LY6S: variants seen among roughly 807,000 people sequenced by gnomAD.
LY6S encodes the protein lymphocyte antigen 6 family member S.
At chr8:143,055,887 G>C in the LY6S span, among the ~76,000 whole-genome samples, 1 of 152,096 alleles carries the variant, frequency 6.6e-6, no homozygotes, top group African/African-American at 2.4e-5. Flanking sequence ...CTTACAGTAA[G>C]GCGGCAGTGA....
the LY6S span, among the ~76,000 whole-genome samples, chr8:143,041,851 C>T: frequency 6.6e-6 from 1 of 152,124 alleles, no homozygotes; most frequent in African/African-American, 2.4e-5. Context: ...CCAGCCCTGA[C>T]TCCAGGCTGA....
chr8:143,072,576 T>A, the LY6S span, among the ~76,000 whole-genome samples: 1 of 146,322 alleles, frequency 6.8e-6, no homozygotes, highest in African/African-American at 2.5e-5. Flanking sequence ...GAGACAGCCG[T>A]CGTCCTCGGG....
the LY6S span, among the ~76,000 whole-genome samples, chr8:143,071,458 T>C: frequency 2.6e-5 from 4 of 152,194 alleles, no homozygotes; most frequent in Non-Finnish European, 4.4e-5. Flanking sequence ...AGCCCTGGTG[T>C]AAGCTATAAA....
the LY6S span, among the ~76,000 whole-genome samples, chr8:143,071,195 A>AT: frequency 1.3e-3 from 169 of 130,304 alleles, no homozygotes; most frequent in South Asian, 2.6e-3. Context: ...AAGACCCGGC[A>AT]GCATGGATGT....
chr8:143,068,114 C>A, the LY6S span, among the ~76,000 whole-genome samples: 1 of 152,166 alleles, frequency 6.6e-6, no homozygotes, highest in East Asian at 1.9e-4. Context: ...TGGGGGGAAA[C>A]CTTGGTCAAT....
chr8:143,045,857 A>ATTTTTTTTTTTTT, the LY6S span, among the ~76,000 whole-genome samples: 1 of 148,032 alleles, frequency 6.8e-6, no homozygotes. The surrounding 1 kb of genome is among the most constrained non-coding windows in gnomAD (Gnocchi z 5.3). Flanking sequence ...CAATTTACTC[A>ATTTTTTTTTTTTT]TTTTTTTTTT....
At chr8:143,056,988 G>T in the LY6S span, 1,719 of 231,918 alleles carry the variant, frequency 7.4e-3, 21 homozygotes, top group African/African-American at 0.038. Flanking sequence ...GGAAGTCTTA[G>T]GAAAAGTGCT....
At chr8:143,046,142 C>G in the LY6S span, among the ~76,000 whole-genome samples, 1 of 152,174 alleles carries the variant, frequency 6.6e-6, no homozygotes, top group East Asian at 1.9e-4. Flanking sequence ...TGTCAGCTAC[C>G]ACGCCCAGCC....
At chr8:143,045,990 A>C in the LY6S span, among the ~76,000 whole-genome samples, 1 of 152,104 alleles carries the variant, frequency 6.6e-6, no homozygotes, top group South Asian at 2.1e-4. The surrounding 1 kb of genome is among the most constrained non-coding windows in gnomAD (Gnocchi z 5.3). Flanking sequence ...AGTAGCTGTG[A>C]CTACAGGTGC....
chr8:143,065,304 G>A, the LY6S span, among the ~76,000 whole-genome samples: 1 of 152,120 alleles, frequency 6.6e-6, no homozygotes. Context: ...TCAGGTTTGG[G>A]AGGTTTTCTC....
At chr8:143,063,545 G>A in the LY6S span, among the ~76,000 whole-genome samples, 33 of 152,210 alleles carry the variant, frequency 2.2e-4, no homozygotes, top group Non-Finnish European at 4.3e-4. Context: ...GGCATATGCA[G>A]CATTTCTTTT....
At chr8:143,066,454 G>A in the LY6S span, 5 of 208,312 alleles carry the variant, frequency 2.4e-5, no homozygotes, top group East Asian at 1.3e-4. Flanking sequence ...GAGCCACTGC[G>A]CCCAGCCTCA....
the LY6S span, among the ~76,000 whole-genome samples, chr8:143,071,348 G>A: frequency 6.6e-6 from 1 of 152,192 alleles, no homozygotes; most frequent in Non-Finnish European, 1.5e-5. Flanking sequence ...GTGGAGCAAG[G>A]GGATTTTTAA....
chr8:143,061,852 C>T, the LY6S span, among the ~76,000 whole-genome samples: 1 of 152,112 alleles, frequency 6.6e-6, no homozygotes, highest in Non-Finnish European at 1.5e-5. Context: ...CCAGGTATTT[C>T]AATACGAATC....
the LY6S span, among the ~76,000 whole-genome samples, chr8:143,049,609 C>G: frequency 6.6e-6 from 1 of 152,242 alleles, no homozygotes; most frequent in South Asian, 2.1e-4. Context: ...AACTCCAAGT[C>G]CAGATAGGGG....
At chr8:143,048,939 C>G in the LY6S span, among the ~76,000 whole-genome samples, 1 of 152,134 alleles carries the variant, frequency 6.6e-6, no homozygotes, top group African/African-American at 2.4e-5. Flanking sequence ...GCACTGTAAT[C>G]GGGCATCACC....
the LY6S span, among the ~76,000 whole-genome samples, chr8:143,041,584 T>A: frequency 6.6e-6 from 1 of 152,162 alleles, no homozygotes; most frequent in African/African-American, 2.4e-5. Context: ...ACGAAGATGA[T>A]GGGATTAAAA....
At chr8:143,051,369 C>T in the LY6S span, among the ~76,000 whole-genome samples, 78,329 of 151,822 alleles carry the variant, frequency 0.52, 22,843 homozygotes, top group Non-Finnish European at 0.64. Context: ...GGTGAAACCC[C>T]GTCTCTACTA....
the LY6S span, among the ~76,000 whole-genome samples, chr8:143,057,987 T>C: frequency 6.6e-6 from 1 of 152,130 alleles, no homozygotes. Flanking sequence ...TCTCAAATCT[T>C]GGCAGCCCAC....
Sources: gnomAD v4.1 joint callset for allele counts (sites outside exome capture counted in the v4.1 genomes callset) on GRCh38, gnomAD v4.1.1 for gene constraint, Gnocchi (gnomAD v3.1) non-coding constraint, MANE v1.5 for transcripts, NCBI Gene and HGNC (gene_info 2026-07-23, HGNC 2026-07-21) for gene names.